Variants in HIPK3 observed in about 807,000 individuals in gnomAD.
The protein encoded by HIPK3 is homeodomain-interacting protein kinase 3.
In HIPK3, 47 loss-of-function variants were observed where a neutral mutation model predicts 124.2. That is an observed-to-expected ratio of 0.38 (90% CI 0.30 to 0.48). HIPK3 has a LOEUF of 0.48. Among genes scored for constraint, HIPK3 ranks in the 20% least tolerant of loss-of-function variants. The probability of loss-of-function intolerance (pLI) is 0.98; values close to 1 mark genes in which losing one functional copy is unlikely to be tolerated. For missense variants in HIPK3, 1,286 were observed against 1,454.3 expected, an observed-to-expected ratio of 0.88 and a Z score of 1.88; for synonymous variants, 482 against 515.2, an observed-to-expected ratio of 0.94 and a Z score of 0.87.
intron 2 of HIPK3, among the ~76,000 whole-genome samples, chr11:33,293,835 G>A (rs1210693224): frequency 1.3e-5 from 2 of 152,064 alleles, no homozygotes; most frequent in Non-Finnish European, 2.9e-5. Context: ...TGCTTTTATG[G>A]TGTTTGCAAT....
intron 4 of HIPK3, 84 bp downstream of exon 4, chr11:33,337,278 T>A: frequency 1.6e-6 from 1 of 636,036 alleles, no homozygotes; most frequent in Non-Finnish European, 2.4e-6. Context: ...CATGTCTATT[T>A]ACATTTTACT....
chr11:33,310,228 TTGTCTGTCTGTCTGTCTGTCTGTC>T (rs67183549), intron 2 of HIPK3, among the ~76,000 whole-genome samples: 16 of 146,424 alleles, frequency 1.1e-4, no homozygotes, highest in Non-Finnish European at 1.0e-4. Flanking sequence ...CTGGCTATCT[TTGTCTGTCTGTCTGTCTGTCTGTC>T]TGTCTGTCTG....
intron 2 of HIPK3, among the ~76,000 whole-genome samples, chr11:33,305,520 A>T (rs895040205): frequency 1.1e-4 from 16 of 152,320 alleles, no homozygotes; most frequent in African/African-American, 3.6e-4. Context: ...CAACCATAAT[A>T]GATGATAATA....
intron 8 of HIPK3, among the ~76,000 whole-genome samples, chr11:33,343,714 T>A (rs1277716595): frequency 6.6e-6 from 1 of 152,336 alleles, no homozygotes; most frequent in East Asian, 1.9e-4. Flanking sequence ...TGAAAACAGG[T>A]CAGATCTTTA....
At chr11:33,315,419 G>A (rs1473053498) in intron 2 of HIPK3, among the ~76,000 whole-genome samples, 1 of 152,198 alleles carries the variant, frequency 6.6e-6, no homozygotes, top group Non-Finnish European at 1.5e-5. Context: ...TAGAGATGGG[G>A]CTTCACCATG....
intron 2 of HIPK3, among the ~76,000 whole-genome samples, chr11:33,304,031 C>G (rs1452872676): frequency 6.6e-6 from 1 of 152,134 alleles, no homozygotes; most frequent in Non-Finnish European, 1.5e-5. Flanking sequence ...ATCTCCGCCT[C>G]CCAGGTTCAT....
chr11:33,289,821 C>G (rs1851653012), intron 2 of HIPK3, among the ~76,000 whole-genome samples: 1 of 152,184 alleles, frequency 6.6e-6, no homozygotes, highest in Non-Finnish European at 1.5e-5. Context: ...ATCTACTACC[C>G]TTCCTAGACT....
Position 33,286,962 on chromosome 11 carries a change from A to G in HIPK3, c.548A>G (p.Gln183Arg), listed in dbSNP as rs1222586133. 1.2e-6 allele frequency: 2 copies of G among 1,614,052 alleles called. No homozygotes were observed. The highest frequency in any genetic ancestry group is 2.7e-5 in the African/African-American group (2 of 74,934). Residue 183 changes from glutamine to arginine, a missense_variant, in exon 2 of 17, where the codon CAG (glutamine) becomes CGG (arginine). Gln to Arg is a conservative substitution (Grantham distance 43). Coordinates refer to ENST00000303296, the MANE Select transcript of HIPK3 (RefSeq NM_005734.5). ...TGTACCACTGGAGAAGGTGACTATCAGTTAGTACAGCATGAAGTCTTATGC... is the reference window on the plus strand; with the variant it reads ...TGTACCACTGGAGAAGGTGACTATCGGTTAGTACAGCATGAAGTCTTATGC... ...QNCTTGEGDY[Q>R]LVQHEVLCSM...
intron 3 of HIPK3, among the ~76,000 whole-genome samples, 174 bp from the exon 4 acceptor site, chr11:33,336,901 A>C (rs1346742973): frequency 6.6e-6 from 1 of 152,216 alleles, no homozygotes; most frequent in East Asian, 1.9e-4. Context: ...TTATTATGAT[A>C]CTTATAATTC....
intron 1 of HIPK3, among the ~76,000 whole-genome samples, chr11:33,284,867 T>C: frequency 6.6e-6 from 1 of 152,190 alleles, no homozygotes. Context: ...TATATATTGT[T>C]GTGGCAGACC....
Position 33,347,856 on chromosome 11 carries a change from A to T in HIPK3, c.2149A>T (p.Met717Leu), listed in dbSNP as rs778739935. 3 of 1,614,060 alleles carry T rather than the reference A, an allele frequency of 1.9e-6. No individual in the cohort carries two copies. Among genetic ancestry groups the T allele is most frequent in the Non-Finnish European group, 2.5e-6 (3 of 1,180,016 alleles). Residue 717 changes from methionine (M) to leucine (L), a missense_variant, in exon 11 of 17, where the codon ATG becomes TTG. Physicochemically the swap from Met to Leu is conservative, Grantham distance 15 (BLOSUM62 2). Coordinates refer to ENST00000303296, the MANE Select transcript of HIPK3 (RefSeq NM_005734.5). ...TTGTTCTGAACTTCTCCCTAGGAAG[A>T]TGATTTCATGCAGCAATCATTATAA... ...GSHRLGDWGK[M>L]ISCSNHYNSV...
At chr11:33,309,533 G>A (rs1187649743) in intron 2 of HIPK3, among the ~76,000 whole-genome samples, 1 of 152,218 alleles carries the variant, frequency 6.6e-6, no homozygotes, top group South Asian at 2.1e-4. Context: ...AATAGTAAGT[G>A]TGTGACCTCT....
At chr11:33,321,954 G>GC (rs1188862524) in intron 2 of HIPK3, among the ~76,000 whole-genome samples, 1 of 152,074 alleles carries the variant, frequency 6.6e-6, no homozygotes, top group Non-Finnish European at 1.5e-5. Flanking sequence ...AGGCTCCAGT[G>GC]TTTGTCTTCC....
intron 1 of HIPK3, among the ~76,000 whole-genome samples, chr11:33,277,983 T>G (rs1248972414): frequency 2.0e-5 from 3 of 152,230 alleles, no homozygotes; most frequent in Non-Finnish European, 2.9e-5. Context: ...TTACGTGTAT[T>G]GCAAATAACT....
At chr11:33,300,503 T>C (rs549678808) in intron 2 of HIPK3, among the ~76,000 whole-genome samples, 7 of 152,344 alleles carry the variant, frequency 4.6e-5, no homozygotes, top group African/African-American at 1.7e-4. Context: ...TTTTTAGCTA[T>C]CAAGTATTTT....
At chr11:33,326,947 C>A (rs917772999) in intron 2 of HIPK3, among the ~76,000 whole-genome samples, 1 of 152,064 alleles carries the variant, frequency 6.6e-6, no homozygotes, top group Non-Finnish European at 1.5e-5. Flanking sequence ...TCCCAAAGTG[C>A]TGGGATTACA....
chr11:33,298,048 C>T (rs1283791388), intron 2 of HIPK3, among the ~76,000 whole-genome samples: 1 of 152,120 alleles, frequency 6.6e-6, no homozygotes, highest in African/African-American at 2.4e-5. Context: ...CTTGGCCTCC[C>T]AAAGTGCTGG....
intron 4 of HIPK3, among the ~76,000 whole-genome samples, 176 bp from the exon 5 acceptor site, chr11:33,338,581 C>G (rs1853230785): frequency 6.6e-6 from 1 of 151,998 alleles, no homozygotes; most frequent in Admixed American, 6.6e-5. Context: ...TTTTCTTGGC[C>G]TAAACCAAGC....
chr11:33,290,206 T>C (rs1009243948), intron 2 of HIPK3, among the ~76,000 whole-genome samples: 3 of 152,202 alleles, frequency 2.0e-5, no homozygotes, highest in Admixed American at 6.5e-5. Flanking sequence ...AGTAGAGTGC[T>C]AGATACCATT....
Sources: gnomAD v4.1 joint callset for allele counts (sites outside exome capture counted in the v4.1 genomes callset) on GRCh38, gnomAD v4.1.1 for gene constraint, MANE v1.5 for transcripts, NCBI Gene and HGNC (gene_info 2026-07-23, HGNC 2026-07-21) for gene names.